Variants in UNK observed in about 807,000 individuals in gnomAD.
The protein encoded by UNK is unk zinc finger, also known as RING finger protein unkempt homolog.
Under a neutral mutation model 97.6 loss-of-function variants are expected in UNK, and 32 were observed. The ratio of observed to expected loss-of-function variants is 0.33; its 90% CI spans 0.25 to 0.44. The LOEUF is 0.44. Ranked by LOEUF, UNK falls within the 20% of genes least tolerant of loss-of-function variation. UNK has a pLI of 1.00. For synonymous variants in UNK, 441 were observed against 461.2 expected (o/e 0.96, Z 0.56); for missense variants, 771 against 1,098.4 (o/e 0.70, Z 4.21).
In UNK at chr17:75,812,475, C is replaced by G; in HGVS notation, c.512C>G (p.Ala171Gly). 1.2e-6 allele frequency: 2 copies of G among 1,611,912 alleles called. No individual in the cohort carries two copies. Among genetic ancestry groups the G allele is most frequent in the East Asian group, 2.2e-5 (1 of 44,888 alleles). Residue 171 changes from alanine (A) to glycine (G), a missense_variant, in exon 4 of 16, where the codon GCC (alanine) becomes GGC (glycine). Coordinates refer to ENST00000589666, the MANE Select transcript of UNK (RefSeq NM_001080419.3). ...CCCAGGGAGCTTCAGGCCATGGAGG[C>G]CTTGCAGAATGGCCAGACCACGGTA... ...YDIRELQAME[A>G]LQNGQTTVEG...
At chr17:75,793,184 G>A (rs1358625037) in intron 1 of UNK, among the ~76,000 whole-genome samples, 2 of 152,162 alleles carry the variant, frequency 1.3e-5, no homozygotes, top group African/African-American at 4.8e-5. Flanking sequence ...GCCTTCATAA[G>A]ATGAATCATG....
chr17:75,811,911 A>G (rs1245613748), intron 2 of UNK, among the ~76,000 whole-genome samples: 1 of 152,136 alleles, frequency 6.6e-6, no homozygotes, highest in Non-Finnish European at 1.5e-5. Flanking sequence ...CACTTGAACC[A>G]GGGAGTCAGA....
intron 1 of UNK, among the ~76,000 whole-genome samples, chr17:75,801,564 T>C (rs2143724574): frequency 6.6e-6 from 1 of 152,182 alleles, no homozygotes; most frequent in East Asian, 1.9e-4. Flanking sequence ...ATTTTTCCTT[T>C]TTTTTTTGAG....
In UNK at chr17:75,816,821, C is replaced by T. The variant is rs767603023; in HGVS notation, c.1013C>T (p.Thr338Ile). The T allele has an allele frequency of 5.6e-6, 9 of 1,607,412 alleles. No individual in the cohort carries two copies. Among genetic ancestry groups the T allele is most frequent in the Non-Finnish European group, 6.8e-6 (8 of 1,179,454 alleles). Residue 338 changes from threonine (T) to isoleucine (I), a missense_variant, in exon 8 of 16, where the codon ACC (threonine) becomes ATC (isoleucine). By Grantham distance (89) the Thr-to-Ile change is moderately conservative. Coordinates refer to ENST00000589666, the MANE Select transcript of UNK (RefSeq NM_001080419.3). This position sits in a 1 kb window ranked among gnomAD's most constrained non-coding sequence, Gnocchi z 4.0. ...CCTTCCTCAGCTGTGTCCAGCCCCA[C>T]CCAGCCAGGTCCTGTCCTGTACATG... Reference protein sequence around the residue: ...LQPSSAVSSPTQPGPVLYMPS... With the variant: ...LQPSSAVSSPIQPGPVLYMPS...
At chr17:75,801,531 A>C (rs1229142685) in intron 1 of UNK, among the ~76,000 whole-genome samples, 1 of 152,024 alleles carries the variant, frequency 6.6e-6, no homozygotes, top group Non-Finnish European at 1.5e-5. Context: ...TTAAATAAAG[A>C]AGGAAATATT....
chr17:75,789,340 C>CT (rs887547580), intron 1 of UNK, among the ~76,000 whole-genome samples: 69 of 147,654 alleles, frequency 4.7e-4, no homozygotes, highest in East Asian at 9.8e-4. Flanking sequence ...CACATGACCT[C>CT]TTTTTTTTTT....
At chr17:75,810,071 G>A in intron 2 of UNK, 102 bp downstream of exon 2, 13 of 1,423,084 alleles carry the variant, frequency 9.1e-6, no homozygotes, top group Non-Finnish European at 1.2e-5. Context: ...CCAGAGGACT[G>A]GTTGCAGCCC....
In UNK at chr17:75,819,806, G is replaced by A. The variant is rs1461144802; in HGVS notation, c.1648+21G>A. The A allele has an allele frequency of 6.2e-7, 1 of 1,613,408 alleles. No individual in the cohort carries two copies. Among genetic ancestry groups the A allele is most frequent in the Non-Finnish European group, 8.5e-7 (1 of 1,179,710 alleles). ...CATCGGTACTGGGTGTGGGTGGGCA[G>A]GGCAGCCTGGAGGACTCCTCGGGTT... On this transcript the variant is annotated intron_variant, in intron 12 of 15. Transcript: ENST00000589666. The surrounding 1 kb of genome is among the most constrained non-coding windows in gnomAD (Gnocchi z 5.4).
At position 75,816,954 on chromosome 17, in the gene UNK, C is replaced by G; in HGVS notation, c.1104+42C>G. The G allele has an allele frequency of 6.4e-7, 1 of 1,573,226 alleles. No homozygotes were observed. Among genetic ancestry groups the G allele is most frequent in the South Asian group, 1.1e-5 (1 of 87,272 alleles). ...GGGAGTGGGTGGGCACCATGCCTGA[C>G]AGAGCCAATACTTGCCTCCTAGGCC... On this transcript the variant is annotated intron_variant, in intron 8 of 15. Coordinates refer to ENST00000589666, the MANE Select transcript of UNK (RefSeq NM_001080419.3). The surrounding 1 kb of genome is among the most constrained non-coding windows in gnomAD (Gnocchi z 4.0).
chr17:75,806,024 A>C (rs535538810), intron 1 of UNK, among the ~76,000 whole-genome samples: 3 of 147,122 alleles, frequency 2.0e-5, no homozygotes, highest in South Asian at 4.3e-4. Context: ...AGGCGCTTGA[A>C]CCCCAGGGGC....
chr17:75,812,380 G>A (rs1473797975), intron 3 of UNK, 75 bp from the exon 4 acceptor site: 1 of 1,583,120 alleles, frequency 6.3e-7, no homozygotes, highest in South Asian at 1.1e-5. Context: ...TCAGACTGCA[G>A]TGGAGGGCTG....
chr17:75,799,907 C>T (rs969877877), intron 1 of UNK, among the ~76,000 whole-genome samples: 3 of 152,164 alleles, frequency 2.0e-5, no homozygotes, highest in Admixed American at 1.3e-4. Flanking sequence ...TAGCTAGAGC[C>T]CAGGAGTTTG....
Position 75,818,931 on chromosome 17 carries a change from G to A in UNK, c.1546+115G>A, listed in dbSNP as rs2062041372. On this transcript the variant is annotated intron_variant, in intron 11 of 15. Transcript: ENST00000589666. The surrounding 1 kb of genome is among the most constrained non-coding windows in gnomAD (Gnocchi z 5.1). ...CAGACCCCTTAGACATCTGTCTTCG[G>A]AAAATCAGGGGATGGGCACTCTGAG... is the stretch of plus-strand genomic sequence containing the variant. The A allele has an allele frequency of 8.0e-7, 1 of 1,250,236 alleles. No individual in the cohort carries two copies. Among genetic ancestry groups the A allele is most frequent in the Non-Finnish European group, 1.1e-6 (1 of 932,980 alleles). 77.4% of individuals were successfully genotyped at this position (1,250,236 alleles called of 1,614,324 possible).
At chr17:75,796,944 A>T (rs10512604) in intron 1 of UNK, among the ~76,000 whole-genome samples, 13,825 of 152,240 alleles carry the variant, frequency 0.091, 1,315 homozygotes, top group East Asian at 0.37. Context: ...GATCTCAGTG[A>T]CTACATTTCT....
chr17:75,816,756 CCT>C lies in UNK; in HGVS notation c.962-13_962-12del. ...TGGCTGGGGCCTGCTGACCCCTGCCCCTGACTCTTGCAGAGCCACCCCTGAGT... is the reference window on the plus strand; with the variant it reads ...TGGCTGGGGCCTGCTGACCCCTGCCCGACTCTTGCAGAGCCACCCCTGAGT... On this transcript the variant is annotated splice_polypyrimidine_tract_variant and intron_variant, in intron 7 of 15. Transcript: ENST00000589666. The surrounding 1 kb of genome is among the most constrained non-coding windows in gnomAD (Gnocchi z 4.0). 6.3e-7 allele frequency: 1 copy of C among 1,594,818 alleles called. No homozygotes were observed. Among genetic ancestry groups the C allele is most frequent in the Non-Finnish European group, 8.5e-7 (1 of 1,175,462 alleles).
At chr17:75,806,381 C>G (rs936604942) in intron 1 of UNK, among the ~76,000 whole-genome samples, 3 of 151,860 alleles carry the variant, frequency 2.0e-5, no homozygotes, top group Non-Finnish European at 4.4e-5. Flanking sequence ...ATTGCTTGAA[C>G]CTGGGAGGCA....
In UNK at chr17:75,813,100, C is replaced by A; in HGVS notation, c.645C>A (p.Asn215Lys). ...CAGAGACTGCTTATGTGCTGGGGAA[C>A]TATAAGACGGAGCCTTGCAAGAAGC... is the stretch of plus-strand genomic sequence containing the variant. The part of the protein sequence containing the change: ...RWQETAYVLG[N>K]YKTEPCKKPP... Residue 215 changes from asparagine to lysine, a missense_variant, in exon 5 of 16, where the codon AAC becomes AAA. By Grantham distance (94) the Asn-to-Lys change is moderately conservative. Transcript: ENST00000589666. The A allele has an allele frequency of 1.3e-6, 2 of 1,587,162 alleles. No individual in the cohort carries two copies. The highest frequency in any genetic ancestry group is 8.6e-7 in the Non-Finnish European group (1 of 1,166,810).
chr17:75,799,968 A>G (rs1490375898), intron 1 of UNK, among the ~76,000 whole-genome samples: 1 of 152,220 alleles, frequency 6.6e-6, no homozygotes, highest in African/African-American at 2.4e-5. Flanking sequence ...AAAAGGGGAA[A>G]AAAAAGACAA....
At chr17:75,787,971 T>C (rs375879399) in intron 1 of UNK, among the ~76,000 whole-genome samples, 2 of 151,544 alleles carry the variant, frequency 1.3e-5, no homozygotes, top group African/African-American at 2.4e-5. Context: ...CCCCATAAGG[T>C]GAATTCATTT....
Sources: gnomAD v4.1 joint callset for allele counts (sites outside exome capture counted in the v4.1 genomes callset) on GRCh38, gnomAD v4.1.1 for gene constraint, Gnocchi (gnomAD v3.1) non-coding constraint, MANE v1.5 for transcripts, NCBI Gene and HGNC (gene_info 2026-07-23, HGNC 2026-07-21) for gene names.